Variants in SLC4A4 observed in about 807,000 individuals in gnomAD.
The protein encoded by SLC4A4 is solute carrier family 4 member 4, also known as electrogenic sodium bicarbonate cotransporter 1.
SLC4A4 carries 27 observed loss-of-function variants against 111.5 expected under a neutral mutation model. The ratio of observed to expected loss-of-function variants is 0.24; its 90% CI spans 0.18 to 0.33. The LOEUF is 0.33. Among genes scored for constraint, SLC4A4 ranks in the 10% least tolerant of loss-of-function variants. The probability of loss-of-function intolerance (pLI) is 1.00; values close to 1 mark genes in which losing one functional copy is unlikely to be tolerated. For synonymous variants in SLC4A4, 443 were observed against 463.4 expected (o/e 0.96, Z 0.57); for missense variants, 909 against 1,315.5 (o/e 0.69, Z 4.78).
chr4:71,478,800 A>G (rs1427816977), intron 14 of SLC4A4, among the ~76,000 whole-genome samples: 2 of 151,844 alleles, frequency 1.3e-5, no homozygotes, highest in Non-Finnish European at 2.9e-5. Context: ...ATACACACAT[A>G]TACAAACACA....
intron 2 of SLC4A4, among the ~76,000 whole-genome samples, chr4:71,108,482 A>G (rs1743002516): frequency 6.6e-6 from 1 of 152,194 alleles, no homozygotes; most frequent in South Asian, 2.1e-4. Context: ...TCTGGCCTCC[A>G]AAGTTTCTGA....
chr4:71,411,343 G>A (rs1360845660), intron 7 of SLC4A4, among the ~76,000 whole-genome samples: 1 of 152,082 alleles, frequency 6.6e-6, no homozygotes, highest in Non-Finnish European at 1.5e-5. Flanking sequence ...CACCTTTTCA[G>A]GGAAGTTTTC....
At chr4:71,466,099 A>T (rs1238185919) in intron 12 of SLC4A4, among the ~76,000 whole-genome samples, 2 of 152,130 alleles carry the variant, frequency 1.3e-5, no homozygotes, top group Non-Finnish European at 2.9e-5. Flanking sequence ...AAAAGTACCA[A>T]GTCACTTCTA....
At chr4:71,370,671 C>G (rs184379502) in intron 6 of SLC4A4, among the ~76,000 whole-genome samples, 1 of 152,168 alleles carries the variant, frequency 6.6e-6, no homozygotes, top group Non-Finnish European at 1.5e-5. Flanking sequence ...GTGTAGTGCT[C>G]AGCACTCAGT....
intron 7 of SLC4A4, among the ~76,000 whole-genome samples, chr4:71,431,879 C>T (rs1723671747): frequency 6.6e-6 from 1 of 150,826 alleles, no homozygotes; most frequent in Admixed American, 6.6e-5. Context: ...AAAATCCTCA[C>T]TTCTTTTGGG....
At chr4:71,177,618 A>G (rs1053924736) in intron 2 of SLC4A4, among the ~76,000 whole-genome samples, 2 of 152,260 alleles carry the variant, frequency 1.3e-5, no homozygotes, top group African/African-American at 4.8e-5. Context: ...CAATTCAACA[A>G]GAAGAACTAA....
intron 15 of SLC4A4, among the ~76,000 whole-genome samples, chr4:71,487,735 T>C (rs1318140006): frequency 2.6e-5 from 4 of 151,578 alleles, no homozygotes; most frequent in African/African-American, 9.7e-5. Context: ...AGAGTGCCCA[T>C]CTCTCAGGAG....
At chr4:71,131,794 T>A (rs952935393) in intron 2 of SLC4A4, among the ~76,000 whole-genome samples, 3 of 152,142 alleles carry the variant, frequency 2.0e-5, no homozygotes, top group Admixed American at 1.3e-4. Flanking sequence ...AAGCCTATAC[T>A]AATCTGAGTG....
chr4:71,471,517 T>C (rs1483752384), intron 13 of SLC4A4, among the ~76,000 whole-genome samples: 2 of 151,862 alleles, frequency 1.3e-5, no homozygotes, highest in Non-Finnish European at 2.9e-5. Flanking sequence ...TTTTAAGATA[T>C]ATCATTAGCA....
At chr4:71,500,864 A>G (rs1394549228) in intron 16 of SLC4A4, among the ~76,000 whole-genome samples, 2 of 152,124 alleles carry the variant, frequency 1.3e-5, no homozygotes, top group African/African-American at 2.4e-5. Flanking sequence ...TGTTTTGATT[A>G]CTATAGTTTT....
intron 23 of SLC4A4, 45 bp from the exon 24 acceptor site, chr4:71,563,748 G>A (rs202157292): frequency 7.6e-6 from 9 of 1,185,630 alleles, no homozygotes; most frequent in Non-Finnish European, 1.1e-5. Flanking sequence ...AGGAAGGGCT[G>A]TATAATAAAA....
chr4:71,128,310 A>G (rs1283556490), intron 2 of SLC4A4, among the ~76,000 whole-genome samples: 1 of 151,972 alleles, frequency 6.6e-6, no homozygotes, highest in African/African-American at 2.4e-5. Context: ...ATCTCGTGAG[A>G]CCCATTCACA....
intron 4 of SLC4A4, among the ~76,000 whole-genome samples, chr4:71,349,593 A>G (rs977674674): frequency 6.6e-6 from 1 of 152,134 alleles, no homozygotes. Flanking sequence ...ATATTTTTCT[A>G]CCTTATTAAA....
intron 16 of SLC4A4, among the ~76,000 whole-genome samples, chr4:71,511,362 A>G (rs1032177975): frequency 7.9e-5 from 12 of 151,954 alleles, no homozygotes; most frequent in African/African-American, 2.9e-4. Context: ...TCATTTTTGG[A>G]GGATAGATGG....
At chr4:71,370,750 T>C (rs1403367254) in intron 6 of SLC4A4, among the ~76,000 whole-genome samples, 2 of 152,198 alleles carry the variant, frequency 1.3e-5, no homozygotes, top group Non-Finnish European at 2.9e-5. Context: ...CTGTTTTTAT[T>C]TTTTTAAGTT....
At position 71,165,773 on chromosome 4, in the gene SLC4A4, A is replaced by G. The variant is rs57459734; in HGVS notation, c.-1-70803A>G. Among the ~76,000 whole-genome samples, 810 of 152,314 alleles carry G rather than the reference A, an allele frequency of 5.3e-3. 9 individuals are homozygous for G. Among genetic ancestry groups the G allele is most frequent in the African/African-American group, 0.019 (775 of 41,578 alleles). The stretch of plus-strand genomic sequence containing the variant: ...GAAATTCTTCTTGTTACAGTACATC[A>G]TTAAAATGTGACCCAATGAGTCCCA... On this transcript the variant is annotated intron_variant, in intron 2 of 26. Transcript: ENST00000649996.
chr4:71,462,041 A>G (rs1726882247), intron 12 of SLC4A4, among the ~76,000 whole-genome samples: 1 of 152,132 alleles, frequency 6.6e-6, no homozygotes, highest in East Asian at 1.9e-4. Flanking sequence ...ACTAATTTTT[A>G]TCTTTTCACA....
intron 7 of SLC4A4, chr4:71,437,858 A>G (rs1724309272): frequency 5.2e-6 from 1 of 191,590 alleles, no homozygotes; most frequent in African/African-American, 2.4e-5. Context: ...AGCCCCCAAC[A>G]AAGGAAATGA....
chr4:71,384,165 T>A (rs866469186), intron 6 of SLC4A4, among the ~76,000 whole-genome samples: 2 of 152,168 alleles, frequency 1.3e-5, no homozygotes, highest in Admixed American at 1.3e-4. Context: ...CCTGAAGCTA[T>A]CACATCATTT....
Sources: allele counts gnomAD v4.1 joint callset (sites outside exome capture counted in the v4.1 genomes callset), GRCh38; gene constraint gnomAD v4.1.1; transcripts MANE v1.5; gene names NCBI Gene and HGNC (gene_info 2026-07-23, HGNC 2026-07-21).